Variants in KCNS3 observed in about 807,000 individuals in gnomAD.
KCNS3 encodes potassium voltage-gated channel modifier subfamily S member 3, also known as delayed-rectifier potassium channel regulatory subunit KCNS3.
In KCNS3, 13 loss-of-function variants were observed where a neutral mutation model predicts 31.0. The observed-to-expected ratio is 0.42, with a 90% CI of 0.27 to 0.67. KCNS3 has a LOEUF of 0.67. Among genes scored for constraint, KCNS3 ranks in the 30% least tolerant of loss-of-function variants. The pLI is 0.25. For synonymous variants in KCNS3, 238 were observed against 241.5 expected (o/e 0.99, Z 0.13); for missense variants, 545 against 622.4 (o/e 0.88, Z 1.32).
intron 1 of KCNS3, among the ~76,000 whole-genome samples, chr2:17,912,156 C>T (rs139739202): frequency 0.016 from 2,379 of 152,292 alleles, 29 homozygotes; most frequent in Non-Finnish European, 0.024. Context: ...CATCTTTCAA[C>T]GCTTGTCTGA....
intron 1 of KCNS3, among the ~76,000 whole-genome samples, chr2:17,892,127 A>G (rs925212341): frequency 1.4e-4 from 21 of 151,906 alleles, no homozygotes; most frequent in African/African-American, 4.8e-4. Context: ...ACATTTTCTT[A>G]TTCTTTTTTC....
chr2:17,911,658 A>G (rs1662473835), intron 1 of KCNS3, among the ~76,000 whole-genome samples: 1 of 152,226 alleles, frequency 6.6e-6, no homozygotes, highest in Non-Finnish European at 1.5e-5. Context: ...AAAAAGACAT[A>G]TTTTACAAAG....
intron 1 of KCNS3, among the ~76,000 whole-genome samples, chr2:17,914,146 G>A (rs1327826683): frequency 6.6e-6 from 1 of 152,170 alleles, no homozygotes; most frequent in Non-Finnish European, 1.5e-5. Flanking sequence ...TCAAACTGTA[G>A]GAGGTTGACT....
chr2:17,921,954 T>TATATAC (rs1434381418), intron 2 of KCNS3, among the ~76,000 whole-genome samples: 3 of 135,818 alleles, frequency 2.2e-5, no homozygotes, highest in African/African-American at 8.3e-5. Context: ...TATATATATA[T>TATATAC]ATATAAATAC....
At chr2:17,908,268 T>C (rs1357468417) in intron 1 of KCNS3, among the ~76,000 whole-genome samples, 1 of 152,252 alleles carries the variant, frequency 6.6e-6, no homozygotes, top group Non-Finnish European at 1.5e-5. Flanking sequence ...CTGAAGCTTG[T>C]GCATTCGTCA....
chr2:17,891,174 T>C (rs185131749), intron 1 of KCNS3, among the ~76,000 whole-genome samples: 5 of 152,322 alleles, frequency 3.3e-5, no homozygotes, highest in Admixed American at 2.0e-4. Flanking sequence ...TGTCCCTCTT[T>C]GTCTCTTTTA....
chr2:17,921,876 T>A (rs1662714346), intron 2 of KCNS3, among the ~76,000 whole-genome samples: 1 of 144,880 alleles, frequency 6.9e-6, no homozygotes, highest in Admixed American at 6.9e-5. Flanking sequence ...ATATCAGTTT[T>A]CAAATGTCCC....
chr2:17,924,426 T>G (rs1662790516), intron 2 of KCNS3, among the ~76,000 whole-genome samples: 1 of 152,156 alleles, frequency 6.6e-6, no homozygotes, highest in Non-Finnish European at 1.5e-5. Flanking sequence ...CATTCATGTT[T>G]TGTTCCTGAT....
intron 1 of KCNS3, among the ~76,000 whole-genome samples, chr2:17,883,157 G>C (rs1289405849): frequency 6.6e-6 from 1 of 152,190 alleles, no homozygotes; most frequent in African/African-American, 2.4e-5. Context: ...CAGTGAGTTT[G>C]GTGAAGTGCC....
At chr2:17,880,271 T>C (rs551091040) in intron 1 of KCNS3, among the ~76,000 whole-genome samples, 1 of 152,346 alleles carries the variant, frequency 6.6e-6, no homozygotes, top group South Asian at 2.1e-4. Flanking sequence ...CTCCACTTCT[T>C]ACCTGGGTGG....
intron 2 of KCNS3, among the ~76,000 whole-genome samples, chr2:17,924,402 G>A (rs1316856154): frequency 2.0e-5 from 3 of 152,028 alleles, no homozygotes; most frequent in Admixed American, 2.0e-4. Flanking sequence ...TTGAATAAAA[G>A]TGGTGGGATT....
chr2:17,927,112 A>G (rs1175378227), intron 2 of KCNS3, among the ~76,000 whole-genome samples: 1 of 152,196 alleles, frequency 6.6e-6, no homozygotes, highest in African/African-American at 2.4e-5. Context: ...TCTCAAGTTC[A>G]AAGTTCTACA....
chr2:17,896,310 C>G (rs796872206), intron 1 of KCNS3, among the ~76,000 whole-genome samples: 6 of 152,208 alleles, frequency 3.9e-5, no homozygotes, highest in African/African-American at 1.2e-4. Context: ...CTTCAGCCCC[C>G]CTAAAGTGCT....
rs1473986410 is a variant in KCNS3 at position 17,932,523 on chromosome 2, A to T, written c.*39A>T. 2.6e-6 allele frequency: 4 copies of T among 1,564,318 alleles called. No individual in the cohort carries two copies. The highest frequency in any genetic ancestry group is 2.7e-5 in the African/African-American group (2 of 73,630). The stretch of plus-strand genomic sequence containing the variant: ...TGCCTGTTTCTCTTATCCTTTCCCG[A>T]CATTAGGTTAACACAGCTTTATAAA... On this transcript the variant is annotated 3_prime_UTR_variant, in exon 3 of 3. Coordinates refer to ENST00000304101, the MANE Select transcript of KCNS3 (RefSeq NM_002252.5).
chr2:17,929,416 C>G (rs1040136551), intron 2 of KCNS3, among the ~76,000 whole-genome samples: 4 of 152,094 alleles, frequency 2.6e-5, no homozygotes, highest in African/African-American at 9.7e-5. Flanking sequence ...GGGGGAGATG[C>G]TACACGCTTT....
At chr2:17,897,834 A>G (rs1289758896) in intron 1 of KCNS3, among the ~76,000 whole-genome samples, 3 of 152,156 alleles carry the variant, frequency 2.0e-5, no homozygotes, top group Non-Finnish European at 4.4e-5. Context: ...CTTAGCCACA[A>G]ATTCTTTGCC....
chr2:17,901,093 C>G lies in KCNS3; in HGVS notation c.-251-16587C>G, dbSNP rs1188198046. On this transcript the variant is annotated intron_variant, in intron 1 of 2. Transcript: ENST00000304101. ...AATCCAGGATACCAACTCAAGCATT[C>G]TGGATCCAGAGTTTACCCTAAAGGC... 3.3e-5 allele frequency among the ~76,000 whole-genome samples: 5 copies of G among 152,276 alleles called. No homozygotes were observed. In the South Asian group the frequency reaches 8.3e-4, roughly 25 times the overall value.
chr2:17,893,741 G>A (rs966439624), intron 1 of KCNS3, among the ~76,000 whole-genome samples: 2 of 152,120 alleles, frequency 1.3e-5, no homozygotes, highest in Non-Finnish European at 2.9e-5. Flanking sequence ...TCCCACTTCC[G>A]CAGTTGGGGC....
chr2:17,914,251 C>T (rs1212858997), intron 1 of KCNS3, among the ~76,000 whole-genome samples: 1 of 152,190 alleles, frequency 6.6e-6, no homozygotes, highest in Non-Finnish European at 1.5e-5. Flanking sequence ...ACAGAGTAGA[C>T]ACTTGTGTTG....
Sources: allele counts gnomAD v4.1 joint callset (sites outside exome capture counted in the v4.1 genomes callset), GRCh38; gene constraint gnomAD v4.1.1; transcripts MANE v1.5; gene names NCBI Gene and HGNC (gene_info 2026-07-23, HGNC 2026-07-21).